CDC25A: variants seen among roughly 807,000 people sequenced by gnomAD.
CDC25A encodes the protein M-phase inducer phosphatase 1.
In CDC25A, 17 loss-of-function variants were observed where a neutral mutation model predicts 64.6. The observed-to-expected ratio is 0.26, with a 90% CI of 0.18 to 0.39. The LOEUF is 0.39. Ranked by LOEUF, CDC25A falls within the 10% of genes least tolerant of loss-of-function variation. The pLI is 1.00. For synonymous variants in CDC25A, 229 were observed against 238.6 expected (o/e 0.96, Z 0.37); for missense variants, 473 against 654.8 (o/e 0.72, Z 3.03).
Position 48,177,755 on chromosome 3 carries a change from C to T in CDC25A, c.684+99G>A, listed in dbSNP as rs560372365. The T allele has an allele frequency of 2.3e-5, 31 of 1,373,886 alleles. No individual in the cohort carries two copies. The East Asian group carries it at 4.6e-4, about 20-fold the overall frequency. 85.1% of individuals were successfully genotyped at this position (1,373,886 alleles called of 1,614,324 possible). On this transcript the variant is annotated intron_variant, in intron 7 of 14. Transcript: ENST00000302506. ...ACAAAAATATCAGCTAAGCAAGCCC[C>T]GGGGAACTGCTGTTGCTGTTCTTTT... is the stretch of plus-strand genomic sequence containing the variant.
chr3:48,188,044 G>T lies in CDC25A; in HGVS notation c.-97C>A. The T allele has an allele frequency of 3.9e-6, 4 of 1,038,414 alleles. No individual in the cohort carries two copies. Among genetic ancestry groups the T allele is most frequent in the Non-Finnish European group, 5.0e-6 (4 of 806,710 alleles). 64.3% of individuals were successfully genotyped at this position (1,038,414 alleles called of 1,614,324 possible). The stretch of plus-strand genomic sequence containing the variant: ...ACACCGGCCTCGGCCGCGCGCCACC[G>T]GCGCCCGCGGGTCAAACACAAACAC... On this transcript the variant is annotated 5_prime_UTR_variant, in exon 1 of 15. Coordinates refer to ENST00000302506, the MANE Select transcript of CDC25A (RefSeq NM_001789.3).
At chr3:48,167,462 C>T (rs1445225886) in intron 10 of CDC25A, among the ~76,000 whole-genome samples, 1 of 152,186 alleles carries the variant, frequency 6.6e-6, no homozygotes, top group East Asian at 1.9e-4. Context: ...CAGTCTCAAT[C>T]CCAGACCTTC....
At position 48,186,796 on chromosome 3, in the gene CDC25A, T is replaced by G. The variant is rs1178178489; in HGVS notation, c.171-17A>C. 8 of 1,526,364 alleles carry G rather than the reference T, an allele frequency of 5.2e-6. No homozygotes were observed. The South Asian group carries it at 9.2e-5, about 18-fold the overall frequency. The allele number at this position is 1,526,364 out of a possible 1,614,324, so 94.6% of individuals were successfully genotyped here. On this transcript the variant is annotated splice_polypyrimidine_tract_variant and intron_variant, in intron 1 of 14. Coordinates refer to ENST00000302506, the MANE Select transcript of CDC25A (RefSeq NM_001789.3). The stretch of plus-strand genomic sequence containing the variant: ...TCATAATCACTGAAACCAACAGAAA[T>G]AAACCATGAATGATTTATAGGATAT...
intron 13 of CDC25A, chr3:48,161,487 T>G (rs1457918510): frequency 6.6e-6 from 1 of 152,270 alleles, no homozygotes; most frequent in Admixed American, 6.6e-5. Context: ...GAGGCCAGGA[T>G]TGCCTGAGCC....
At chr3:48,182,541 TCAGAG>T in intron 5 of CDC25A, among the ~76,000 whole-genome samples, 1 of 152,240 alleles carries the variant, frequency 6.6e-6, no homozygotes, top group African/African-American at 2.4e-5. Flanking sequence ...CATTTCAGGG[TCAGAG>T]CAAAGAGGCA....
At chr3:48,172,790 G>C (rs2032314987) in intron 9 of CDC25A, among the ~76,000 whole-genome samples, 1 of 152,230 alleles carries the variant, frequency 6.6e-6, no homozygotes, top group Non-Finnish European at 1.5e-5. Flanking sequence ...CTTGAGCCTG[G>C]GAGGTGGAGA....
intron 4 of CDC25A, among the ~76,000 whole-genome samples, chr3:48,183,488 C>A (rs1038284038): frequency 1.3e-5 from 2 of 152,038 alleles, no homozygotes; most frequent in African/African-American, 4.8e-5. Context: ...CCAGCCTGGG[C>A]AACAGAGTGA....
intron 6 of CDC25A, among the ~76,000 whole-genome samples, chr3:48,179,846 C>T (rs935942098): frequency 2.6e-5 from 4 of 152,180 alleles, no homozygotes. Context: ...AACCTCAGAA[C>T]ACAAAGCAGA....
At chr3:48,186,477 G>A (rs576592086) in intron 2 of CDC25A, among the ~76,000 whole-genome samples, 163 of 151,888 alleles carry the variant, frequency 1.1e-3, no homozygotes, top group Non-Finnish European at 1.6e-3. Flanking sequence ...GCTGAGGCAG[G>A]AGAATCACTT....
At chr3:48,162,990 T>G (rs577693137) in intron 13 of CDC25A, among the ~76,000 whole-genome samples, 4 of 151,566 alleles carry the variant, frequency 2.6e-5, no homozygotes, top group Middle Eastern at 3.5e-3. Flanking sequence ...ATCTCAAAAT[T>G]TGAAATTTCT....
rs117966075 is a variant in CDC25A, at chr3:48,173,607, G to A, written c.930+677C>T. 1.1e-3 allele frequency among the ~76,000 whole-genome samples: 162 copies of A among 152,296 alleles called. 4 individuals carry two copies. In the East Asian group the frequency reaches 0.03, roughly 28 times the overall value. ...CACCTTTGCCCAGCTGTCATACAGT[G>A]CCCCAGTCACCACCCCACGGGGATG... On this transcript the variant is annotated intron_variant, in intron 9 of 14. Transcript: ENST00000302506.
In CDC25A at chr3:48,186,727, C is replaced by A; in HGVS notation, c.223G>T (p.Gly75Cys). The change falls in exon 2 of 15, where the codon GGC becomes TGC. Residue 75 changes from glycine to cysteine, a missense_variant. Physicochemically the swap from Gly to Cys is radical, Grantham distance 159. Transcript: ENST00000302506. ...VKNNSNLQRM[G>C]SSESTDSGFC... ...CCTGAATCTGTTGACTCGGAGGAGC[C>A]CATTCTCTGCAGATTACTGTTGTTC... 2.5e-6 allele frequency: 4 copies of A among 1,601,484 alleles called. No homozygotes were observed. Among genetic ancestry groups the A allele is most frequent in the Non-Finnish European group, 3.4e-6 (4 of 1,171,722 alleles).
intron 1 of CDC25A, 77 bp from the exon 2 acceptor site, chr3:48,186,856 G>A (rs2106771432): frequency 3.0e-6 from 3 of 985,752 alleles, no homozygotes; most frequent in African/African-American, 3.2e-5. Flanking sequence ...TAGGCCATGA[G>A]ATTAAGAAGC....
intron 7 of CDC25A, 37 bp downstream of exon 7, chr3:48,177,817 T>C (rs775697668): frequency 1.8e-5 from 28 of 1,544,560 alleles, no homozygotes; most frequent in Non-Finnish European, 2.2e-5. Context: ...AATTAATTAG[T>C]AGAACAAATA....
intron 6 of CDC25A, chr3:48,180,457 T>C: frequency 2.8e-6 from 1 of 352,646 alleles, no homozygotes; most frequent in Non-Finnish European, 5.1e-6. Context: ...ACATTTAGGA[T>C]GACCCAGGAT....
intron 5 of CDC25A, among the ~76,000 whole-genome samples, chr3:48,181,170 TC>T (rs1271747621): frequency 6.6e-6 from 1 of 152,170 alleles, no homozygotes; most frequent in Non-Finnish European, 1.5e-5. Flanking sequence ...TGAATAGTTG[TC>T]AAAATTTTCC....
rs550460678 is a variant in CDC25A at position 48,169,795 on chromosome 3, G to A, written c.931-1851C>T. ...GGCCGAGGTGAGTGGATCACTTGAT[G>A]TCAGGGGTTCGAGACCAGCCTTGCC... On this transcript the variant is annotated intron_variant, in intron 9 of 14. Transcript: ENST00000302506. Among the ~76,000 whole-genome samples the A allele has an allele frequency of 3.3e-5, 5 of 152,170 alleles. No individual in the cohort carries two copies. The South Asian group carries it at 1.0e-3, about 32-fold the overall frequency.
rs765385956 is a variant in CDC25A, at chr3:48,180,730, T to G, written c.540A>C (p.Pro180=). 1 of 1,613,962 alleles carries G rather than the reference T, an allele frequency of 6.2e-7. No homozygotes were observed. The highest frequency in any genetic ancestry group is 1.1e-5 in the South Asian group (1 of 91,084). ...DLFTQRQNSA[P]ARMLSSNERD... ...AAGCCAGAGCACATACCATCCGAGC[T>G]GGGGCAGAGTTCTGCCTCTGTGTGA... The change falls in exon 6 of 15, where the codon CCA becomes CCC. Residue 180 remains proline (P), a synonymous_variant. Coordinates refer to ENST00000302506, the MANE Select transcript of CDC25A (RefSeq NM_001789.3).
intron 2 of CDC25A, among the ~76,000 whole-genome samples, chr3:48,185,334 T>G (rs1318798911): frequency 6.6e-6 from 1 of 150,714 alleles, no homozygotes; most frequent in Non-Finnish European, 1.5e-5. Flanking sequence ...GAGGTTCGCT[T>G]GAGCTCGGAA....
Sources: allele counts gnomAD v4.1 joint callset (sites outside exome capture counted in the v4.1 genomes callset), GRCh38; gene constraint gnomAD v4.1.1; transcripts MANE v1.5; gene names NCBI Gene and HGNC (gene_info 2026-07-23, HGNC 2026-07-21).